Variants in C10orf90 observed in about 807,000 individuals in gnomAD.
C10orf90 encodes the protein (E2-independent) E3 ubiquitin-conjugating enzyme FATS.
Under a neutral mutation model 62.5 loss-of-function variants are expected in C10orf90, and 56 were observed. That is an observed-to-expected ratio of 0.90 (90% CI 0.72 to 1.12). C10orf90 has a LOEUF of 1.12. C10orf90 is among the 50% of genes most tolerant of loss of function. The pLI is 0.00. For missense variants in C10orf90, 970 were observed against 880.4 expected, an observed-to-expected ratio of 1.10 and a Z score of -1.29; for synonymous variants, 386 against 340.4, an observed-to-expected ratio of 1.13 and a Z score of -1.47.
chr10:126,542,852 C>T (rs35758933), intron 2 of C10orf90, among the ~76,000 whole-genome samples: 23,830 of 152,038 alleles, frequency 0.16, 2,329 homozygotes, highest in Middle Eastern at 0.3. Context: ...CATACACATA[C>T]CTTGTGATTC....
intron 7 of C10orf90, among the ~76,000 whole-genome samples, chr10:126,439,314 T>A (rs1428045876): frequency 6.6e-6 from 1 of 152,106 alleles, no homozygotes. Flanking sequence ...AAGGATGACT[T>A]TTTTCCCCCA....
chr10:126,569,651 G>A (rs1366067890), intron 2 of C10orf90, among the ~76,000 whole-genome samples: 1 of 152,174 alleles, frequency 6.6e-6, no homozygotes, highest in African/African-American at 2.4e-5. Context: ...TGTGTCTTGG[G>A]AAAAGAACAA....
rs1287101340 is a variant in C10orf90, at chr10:126,461,393, G to A, written c.2010+8C>T. 2.5e-6 allele frequency: 4 copies of A among 1,613,648 alleles called. No individual in the cohort carries two copies. The highest frequency in any genetic ancestry group is 1.7e-5 in the Admixed American group (1 of 59,952). On this transcript the variant is annotated splice_region_variant and intron_variant, in intron 6 of 9. Coordinates refer to ENST00000488181, the MANE Select transcript of C10orf90 (RefSeq NM_001350921.2). ...AGGAATCAAGCCAGGACACACAGAA[G>A]GCCTTACTTGCAAGGTCAAAGATCT...
chr10:126,442,398 C>T (rs1395145876), intron 7 of C10orf90, among the ~76,000 whole-genome samples: 2 of 142,486 alleles, frequency 1.4e-5, no homozygotes, highest in African/African-American at 5.3e-5. Context: ...CTGGAGCTCC[C>T]AAATTTACAA....
At chr10:126,609,801 G>A (rs999611663) in intron 2 of C10orf90, among the ~76,000 whole-genome samples, 1 of 152,232 alleles carries the variant, frequency 6.6e-6, no homozygotes, top group Admixed American at 6.5e-5. Flanking sequence ...GCATGGGCAG[G>A]GGGACTGTGG....
chr10:126,595,609 C>T (rs1845068155), intron 2 of C10orf90, among the ~76,000 whole-genome samples: 1 of 152,136 alleles, frequency 6.6e-6, no homozygotes, highest in Non-Finnish European at 1.5e-5. Flanking sequence ...CCTGCAGGTC[C>T]GGTTCTGGCA....
chr10:126,602,051 C>T (rs944852413), intron 2 of C10orf90, among the ~76,000 whole-genome samples: 7 of 152,230 alleles, frequency 4.6e-5, no homozygotes, highest in South Asian at 2.1e-4. Flanking sequence ...TGTAAACGTT[C>T]GCTTCAAAGC....
intron 2 of C10orf90, among the ~76,000 whole-genome samples, chr10:126,535,176 T>C (rs1226647931): frequency 6.6e-6 from 1 of 150,802 alleles, no homozygotes; most frequent in Admixed American, 6.6e-5. Context: ...TGTGTATGTT[T>C]AGAGAGAGAG....
intron 2 of C10orf90, among the ~76,000 whole-genome samples, chr10:126,596,247 G>A (rs1407212486): frequency 1.3e-5 from 2 of 151,622 alleles, no homozygotes; most frequent in African/African-American, 2.4e-5. Context: ...AGGCTACAGT[G>A]AGCTGTGATT....
chr10:126,461,688 C>A lies in C10orf90; in HGVS notation c.1826-103G>T, dbSNP rs142224124. 500 of 1,166,298 alleles carry A rather than the reference C, an allele frequency of 4.3e-4. 6 individuals carry two copies. The East Asian group carries it at 9.1e-3, about 21-fold the overall frequency. The allele number at this position is 1,166,298 out of a possible 1,614,324, so 72.2% of individuals were successfully genotyped here. A position where few individuals can be genotyped will look rare whatever the true frequency, so the allele number is the denominator to read the frequency against. ...GAAGACAATTTTGAAAATAGAAACG[C>A]CAGTGGACTATTAATGGGCCTCGTT... is the stretch of plus-strand genomic sequence containing the variant. On this transcript the variant is annotated intron_variant, in intron 5 of 9. Coordinates refer to ENST00000488181, the MANE Select transcript of C10orf90 (RefSeq NM_001350921.2).
At chr10:126,484,916 C>G (rs1370659098) in intron 4 of C10orf90, among the ~76,000 whole-genome samples, 4 of 152,086 alleles carry the variant, frequency 2.6e-5, no homozygotes, top group Admixed American at 2.6e-4. Flanking sequence ...ACAGGGAAAA[C>G]AGGTCACTCT....
intron 5 of C10orf90, among the ~76,000 whole-genome samples, chr10:126,463,746 C>A (rs937111829): frequency 6.6e-6 from 1 of 152,258 alleles, no homozygotes; most frequent in Non-Finnish European, 1.5e-5. Flanking sequence ...ACAGTCCCTC[C>A]TCTGAGTGTC....
intron 2 of C10orf90, among the ~76,000 whole-genome samples, chr10:126,574,551 A>C (rs1844572163): frequency 6.6e-6 from 1 of 152,068 alleles, no homozygotes; most frequent in Non-Finnish European, 1.5e-5. Flanking sequence ...TAATATGTAA[A>C]AATAATAATA....
In C10orf90 at chr10:126,477,691, T is replaced by C. The variant is rs143937761; in HGVS notation, c.1535-12705A>G. On this transcript the variant is annotated intron_variant, in intron 4 of 9. Coordinates refer to ENST00000488181, the MANE Select transcript of C10orf90 (RefSeq NM_001350921.2). ...TGCTCCATTTCCCTAAGCCTAAACATGCAATGTTTCTAAAAGTGGTCATTT... is the reference window on the plus strand; with the variant it reads ...TGCTCCATTTCCCTAAGCCTAAACACGCAATGTTTCTAAAAGTGGTCATTT... Among the ~76,000 whole-genome samples, 184 of 152,312 alleles carry C rather than the reference T, an allele frequency of 1.2e-3. 1 individual carries two copies. Among genetic ancestry groups the C allele is most frequent in the Middle Eastern group, 3.4e-3 (1 of 294 alleles).
chr10:126,461,382 G>A lies in C10orf90; in HGVS notation c.2010+19C>T, dbSNP rs1386537440. 43 of 1,611,932 alleles carry A rather than the reference G, an allele frequency of 2.7e-5. No homozygotes were observed. Among genetic ancestry groups the A allele is most frequent in the Non-Finnish European group, 3.6e-5 (42 of 1,179,600 alleles). On this transcript the variant is annotated intron_variant, in intron 6 of 9. Transcript: ENST00000488181. ...CTCCCTTTGGCAGGAATCAAGCCAG[G>A]ACACACAGAAGGCCTTACTTGCAAG... is the stretch of plus-strand genomic sequence containing the variant.
chr10:126,585,120 C>T (rs756382808), intron 2 of C10orf90, among the ~76,000 whole-genome samples: 10 of 151,036 alleles, frequency 6.6e-5, no homozygotes, highest in African/African-American at 2.2e-4. Context: ...ATTCCAACTG[C>T]GCATAGCAAA....
intron 2 of C10orf90, among the ~76,000 whole-genome samples, chr10:126,569,893 G>A (rs1188508106): frequency 2.0e-5 from 3 of 152,088 alleles, no homozygotes; most frequent in African/African-American, 4.8e-5. Flanking sequence ...AGCAGGTTGT[G>A]TGTCACTTTC....
At chr10:126,495,932 G>T (rs931770862) in intron 4 of C10orf90, among the ~76,000 whole-genome samples, 8 of 152,126 alleles carry the variant, frequency 5.3e-5, no homozygotes, top group Non-Finnish European at 1.0e-4. Flanking sequence ...GAGCCCAACT[G>T]CTCGGCACTC....
At chr10:126,649,401 T>G (rs1292228821) in intron 1 of C10orf90, among the ~76,000 whole-genome samples, 1 of 152,110 alleles carries the variant, frequency 6.6e-6, no homozygotes, top group Non-Finnish European at 1.5e-5. Flanking sequence ...TGCTCATCTC[T>G]GTGGCATCAC....
Sources: gnomAD v4.1 joint callset for allele counts (sites outside exome capture counted in the v4.1 genomes callset) on GRCh38, gnomAD v4.1.1 for gene constraint, MANE v1.5 for transcripts, NCBI Gene and HGNC (gene_info 2026-07-23, HGNC 2026-07-21) for gene names.